Variants in PDE10A observed in about 807,000 individuals in gnomAD.
The protein encoded by PDE10A is phosphodiesterase 10A, also known as cAMP and cAMP-inhibited cGMP 3',5'-cyclic phosphodiesterase 10A.
A neutral mutation model predicts 97.7 loss-of-function variants in PDE10A; 39 were observed. The ratio of observed to expected loss-of-function variants is 0.40; its 90% CI spans 0.31 to 0.52. The LOEUF (loss-of-function observed/expected upper bound fraction) is 0.52, where lower values mean the gene tolerates loss of function less well. PDE10A is among the 20% of genes least tolerant of loss of function. The pLI is 0.56. For missense variants in PDE10A, 731 were observed against 1,047.8 expected, an observed-to-expected ratio of 0.70 and a Z score of 4.17; for synonymous variants, 371 against 376.8, an observed-to-expected ratio of 0.98 and a Z score of 0.18.
intron 1 of PDE10A, among the ~76,000 whole-genome samples, chr6:165,636,699 C>A (rs1382587648): frequency 2.0e-5 from 3 of 152,200 alleles, no homozygotes; most frequent in African/African-American, 7.2e-5. Flanking sequence ...ACTGGATAGA[C>A]TGTTTATGCA....
At chr6:165,412,165 A>G (rs1787907433) in intron 13 of PDE10A, among the ~76,000 whole-genome samples, 1 of 152,086 alleles carries the variant, frequency 6.6e-6, no homozygotes, top group South Asian at 2.1e-4. Context: ...ATACCCATGT[A>G]TTATCTTATA....
chr6:165,545,263 A>C (rs1783683082), intron 1 of PDE10A: 1 of 484,286 alleles, frequency 2.1e-6, no homozygotes, highest in African/African-American at 2.0e-5. Flanking sequence ...CTAAATCAGG[A>C]ATCTTAACAT....
intron 1 of PDE10A, among the ~76,000 whole-genome samples, chr6:165,622,210 G>A (rs930114699): frequency 2.6e-5 from 4 of 152,154 alleles, no homozygotes; most frequent in Admixed American, 6.5e-5. Context: ...CCTCAACCAC[G>A]TGAGCCAGTG....
At chr6:165,798,579 G>T (rs2128465000) in intron 1 of PDE10A, among the ~76,000 whole-genome samples, 1 of 152,252 alleles carries the variant, frequency 6.6e-6, no homozygotes, top group Admixed American at 6.5e-5. Context: ...GAGTATGGTT[G>T]GGGAGAGAAG....
intron 18 of PDE10A, among the ~76,000 whole-genome samples, chr6:165,351,069 AAAT>A (rs1782661072): frequency 6.6e-6 from 1 of 152,228 alleles, no homozygotes; most frequent in South Asian, 2.1e-4. Flanking sequence ...AGTTTAAAAA[AAAT>A]TATTATTAAG....
intron 1 of PDE10A, among the ~76,000 whole-genome samples, chr6:165,850,353 T>C (rs1780542483): frequency 6.6e-6 from 1 of 152,166 alleles, no homozygotes; most frequent in African/African-American, 2.4e-5. Flanking sequence ...CCCCGGGAAG[T>C]GCGTGGGACT....
chr6:165,337,228 G>T (rs1781704773), intron 20 of PDE10A, among the ~76,000 whole-genome samples: 1 of 152,150 alleles, frequency 6.6e-6, no homozygotes, highest in South Asian at 2.1e-4. Flanking sequence ...AGATGTAAAA[G>T]ATATGTGACT....
intron 2 of PDE10A, among the ~76,000 whole-genome samples, chr6:165,494,723 A>G (rs769879447): frequency 1.3e-5 from 2 of 152,038 alleles, no homozygotes; most frequent in Non-Finnish European, 2.9e-5. Flanking sequence ...TTGACTGATA[A>G]TTTCCTTGAG....
At chr6:165,970,380 A>C (rs1216879136) in intron 1 of PDE10A, among the ~76,000 whole-genome samples, 1 of 152,212 alleles carries the variant, frequency 6.6e-6, no homozygotes, top group Non-Finnish European at 1.5e-5. Flanking sequence ...TTGTAAGGTG[A>C]TCAATGTAAG....
rs1376432301 is a variant in PDE10A at position 165,671,227 on chromosome 6, C to A, written c.-614-127659G>T. Among the ~76,000 whole-genome samples the A allele has an allele frequency of 2.0e-5, 3 of 152,068 alleles. No individual in the cohort carries two copies. In the East Asian group the frequency reaches 5.8e-4, roughly 29 times the overall value. ...TTTGTAAATGTCATCTGGTGATAGG[C>A]TAGAGTGAAACCCTCTTCTGTTTTT... is the stretch of plus-strand genomic sequence containing the variant. On this transcript the variant is annotated intron_variant, in intron 1 of 19. Coordinates refer to the PDE10A transcript ENST00000366882. The surrounding 1 kb of genome is among the most constrained non-coding windows in gnomAD (Gnocchi z 4.6).
intron 1 of PDE10A, among the ~76,000 whole-genome samples, chr6:165,642,277 G>C (rs1789172754): frequency 6.6e-6 from 1 of 152,162 alleles, no homozygotes; most frequent in Non-Finnish European, 1.5e-5. Context: ...GGATGAATGT[G>C]GCTTCCCGTG....
intron 1 of PDE10A, among the ~76,000 whole-genome samples, chr6:165,805,915 A>G (rs1436702842): frequency 1.3e-5 from 2 of 152,018 alleles, no homozygotes; most frequent in Non-Finnish European, 2.9e-5. Context: ...GCCAGTTCCA[A>G]CCTGTAAGGA....
intron 1 of PDE10A, among the ~76,000 whole-genome samples, chr6:165,567,835 T>C (rs1055351202): frequency 3.9e-5 from 6 of 152,106 alleles, no homozygotes; most frequent in African/African-American, 1.4e-4. Context: ...AGCTCTATTA[T>C]ATTATGTGTC....
chr6:165,670,589 T>C (rs1280699547), intron 1 of PDE10A, among the ~76,000 whole-genome samples: 8 of 152,214 alleles, frequency 5.3e-5, no homozygotes, highest in Admixed American at 4.6e-4. Context: ...AAAATTACTG[T>C]AATTTTTATC....
intron 1 of PDE10A, among the ~76,000 whole-genome samples, chr6:165,550,814 A>G (rs373591170): frequency 3.9e-3 from 595 of 152,322 alleles, no homozygotes; most frequent in South Asian, 7.2e-3. Flanking sequence ...TCCTCCCACA[A>G]TTGAAATGTT....
chr6:165,574,341 A>T (rs1785200017), intron 1 of PDE10A, among the ~76,000 whole-genome samples: 1 of 152,052 alleles, frequency 6.6e-6, no homozygotes, highest in South Asian at 2.1e-4. Context: ...GGGGATTGGG[A>T]ATAGGTTAAC....
At chr6:165,894,482 C>A in intron 1 of PDE10A, 1 of 456,022 alleles carries the variant, frequency 2.2e-6, no homozygotes, top group Non-Finnish European at 4.4e-6. Flanking sequence ...GAGGGAAAAC[C>A]TAGATTTATA....
At chr6:165,899,423 C>A (rs561828981) in intron 1 of PDE10A, among the ~76,000 whole-genome samples, 1 of 152,230 alleles carries the variant, frequency 6.6e-6, no homozygotes, top group Non-Finnish European at 1.5e-5. Flanking sequence ...TGAATATTGA[C>A]TGAGAGTCAC....
chr6:165,764,165 G>A (rs1415328157), intron 1 of PDE10A, among the ~76,000 whole-genome samples: 1 of 152,162 alleles, frequency 6.6e-6, no homozygotes, highest in Non-Finnish European at 1.5e-5. Context: ...GGCTCTGCCT[G>A]GGCAGACCTG....
Sources: gnomAD v4.1 joint callset for allele counts (sites outside exome capture counted in the v4.1 genomes callset) on GRCh38, gnomAD v4.1.1 for gene constraint, Gnocchi (gnomAD v3.1) non-coding constraint, MANE v1.5 for transcripts, NCBI Gene and HGNC (gene_info 2026-07-23, HGNC 2026-07-21) for gene names.